Variants in DLG1 observed in about 807,000 individuals in gnomAD.
The protein encoded by DLG1 is disks large homolog 1.
Under a neutral mutation model 123.4 loss-of-function variants are expected in DLG1, and 42 were observed. The observed-to-expected ratio is 0.34, with a 90% CI of 0.27 to 0.44. The LOEUF (loss-of-function observed/expected upper bound fraction) is 0.44, where lower values mean the gene tolerates loss of function less well. Ranked by LOEUF, DLG1 falls within the 20% of genes least tolerant of loss-of-function variation. DLG1 has a pLI of 1.00. For missense variants in DLG1, 942 were observed against 1,082.6 expected, an observed-to-expected ratio of 0.87 and a Z score of 1.82; for synonymous variants, 317 against 356.2, an observed-to-expected ratio of 0.89 and a Z score of 1.24.
At chr3:197,210,415 A>G (rs1332887368) in intron 4 of DLG1, among the ~76,000 whole-genome samples, 1 of 144,978 alleles carries the variant, frequency 6.9e-6, no homozygotes, top group African/African-American at 2.4e-5. Flanking sequence ...AAGAGAGAAT[A>G]TAATTACCAA....
intron 4 of DLG1, among the ~76,000 whole-genome samples, chr3:197,249,423 T>C (rs1185635415): frequency 6.6e-6 from 1 of 151,862 alleles, no homozygotes; most frequent in Non-Finnish European, 1.5e-5. Context: ...TTCCACTAAA[T>C]ATTAAAATTT....
At chr3:197,250,786 G>A (rs1268885292) in intron 4 of DLG1, among the ~76,000 whole-genome samples, 2 of 151,754 alleles carry the variant, frequency 1.3e-5, no homozygotes. Context: ...TTGAAGTCAG[G>A]AGATCAAGAC....
chr3:197,114,828 A>C (rs1222735127), intron 13 of DLG1, among the ~76,000 whole-genome samples: 1 of 151,948 alleles, frequency 6.6e-6, no homozygotes, highest in East Asian at 1.9e-4. Context: ...AAATACAAAA[A>C]AATTAGCCAG....
At chr3:197,231,780 T>C (rs902301788) in intron 4 of DLG1, among the ~76,000 whole-genome samples, 11 of 151,730 alleles carry the variant, frequency 7.2e-5, no homozygotes, top group African/African-American at 2.4e-4. Context: ...AAATAAAATG[T>C]TGAATGAAAA....
At chr3:197,280,615 A>G (rs1473619413) in intron 4 of DLG1, among the ~76,000 whole-genome samples, 1 of 152,222 alleles carries the variant, frequency 6.6e-6, no homozygotes, top group Non-Finnish European at 1.5e-5. Context: ...ATAATGTCAA[A>G]TATTCACTTT....
chr3:197,284,899 C>T (rs1406216962), intron 3 of DLG1, among the ~76,000 whole-genome samples: 4 of 151,892 alleles, frequency 2.6e-5, no homozygotes, highest in African/African-American at 7.3e-5. Context: ...TCCACAAGTC[C>T]GATTCCTGAA....
intron 19 of DLG1, among the ~76,000 whole-genome samples, chr3:197,067,150 T>C (rs1336994414): frequency 2.0e-5 from 3 of 152,062 alleles, no homozygotes; most frequent in Non-Finnish European, 2.9e-5. Context: ...ATTAAAAACA[T>C]GCTACTTTTT....
intron 5 of DLG1, among the ~76,000 whole-genome samples, chr3:197,188,035 TACCACCACCACC>T (rs201215982): frequency 6.6e-6 from 1 of 151,906 alleles, no homozygotes; most frequent in African/African-American, 2.4e-5. Flanking sequence ...CACCATCCAC[TACCACCACCACC>T]ACCACCACAA....
intron 11 of DLG1, among the ~76,000 whole-genome samples, chr3:197,125,199 T>C (rs1230871440): frequency 6.6e-6 from 1 of 152,004 alleles, no homozygotes; most frequent in Non-Finnish European, 1.5e-5. Context: ...AGATGGCAAG[T>C]GAAGGTTTGA....
intron 14 of DLG1, among the ~76,000 whole-genome samples, chr3:197,093,129 TAC>T (rs1046526851): frequency 1.3e-5 from 2 of 152,116 alleles, no homozygotes; most frequent in Non-Finnish European, 2.9e-5. Flanking sequence ...TGTGTATATA[TAC>T]ACACAAACAT....
chr3:197,097,220 C>T (rs750233402), intron 14 of DLG1, among the ~76,000 whole-genome samples: 2 of 152,178 alleles, frequency 1.3e-5, no homozygotes, highest in African/African-American at 2.4e-5. Flanking sequence ...CCAGACTGCT[C>T]GTGGCCCCTT....
intron 4 of DLG1, among the ~76,000 whole-genome samples, chr3:197,263,534 C>A (rs1159059773): frequency 1.3e-5 from 2 of 152,176 alleles, no homozygotes; most frequent in African/African-American, 4.8e-5. Flanking sequence ...CACCTGTAAT[C>A]CCAGCACTTT....
At chr3:197,117,042 G>A (rs566515945) in intron 12 of DLG1, among the ~76,000 whole-genome samples, 7 of 151,732 alleles carry the variant, frequency 4.6e-5, no homozygotes, top group Non-Finnish European at 8.8e-5. Flanking sequence ...TATTTCCAGG[G>A]GAAAATACAC....
Position 197,253,958 on chromosome 3 carries a change from G to A in DLG1, c.318+28721C>T, listed in dbSNP as rs905833090. Among the ~76,000 whole-genome samples the A allele has an allele frequency of 6.6e-5, 10 of 151,770 alleles. No individual in the cohort carries two copies. In the South Asian group the frequency reaches 8.3e-4, roughly 13 times the overall value. ...AAAGGAAATGGAAATTTCTGCACAC[G>A]AAGGAAAGAATCTAAACCCCAAAGA... is the stretch of plus-strand genomic sequence containing the variant. On this transcript the variant is annotated intron_variant, in intron 4 of 24. Transcript: ENST00000667157.
chr3:197,243,291 G>A lies in DLG1; in HGVS notation c.318+39388C>T, dbSNP rs372664049. ...GGGTCAGCTACAAGGTTGGTGGATG[G>A]AGGCATGCCTGGGCCTGTTAAAGGC... On this transcript the variant is annotated intron_variant, in intron 4 of 24. Transcript: ENST00000667157. Among the ~76,000 whole-genome samples the A allele has an allele frequency of 1.3e-4, 20 of 152,268 alleles. No individual in the cohort carries two copies. In the East Asian group the frequency reaches 2.5e-3, roughly 19 times the overall value.
chr3:197,274,915 G>C (rs1765662292), intron 4 of DLG1, among the ~76,000 whole-genome samples: 1 of 152,194 alleles, frequency 6.6e-6, no homozygotes, highest in African/African-American at 2.4e-5. Flanking sequence ...GCTGGGCACG[G>C]TGGCTCACGC....
intron 14 of DLG1, 122 bp from the exon 15 acceptor site, chr3:197,091,148 T>C (rs1271970636): frequency 3.5e-6 from 2 of 566,874 alleles, no homozygotes; most frequent in East Asian, 3.0e-5. Flanking sequence ...CTTAAAATAG[T>C]AATATGCGAA....
chr3:197,123,556 A>G (rs1413863524), intron 11 of DLG1, among the ~76,000 whole-genome samples: 1 of 152,272 alleles, frequency 6.6e-6, no homozygotes, highest in Non-Finnish European at 1.5e-5. Context: ...CATTAAAATC[A>G]TGAGATAACT....
At chr3:197,124,825 T>TA (rs1778215772) in intron 11 of DLG1, among the ~76,000 whole-genome samples, 1 of 152,144 alleles carries the variant, frequency 6.6e-6, no homozygotes, top group South Asian at 2.1e-4. Context: ...GGAGCAGTGT[T>TA]AGAGAGGTAT....
Sources: gnomAD v4.1 joint callset for allele counts (sites outside exome capture counted in the v4.1 genomes callset) on GRCh38, gnomAD v4.1.1 for gene constraint, MANE v1.5 for transcripts, NCBI Gene and HGNC (gene_info 2026-07-23, HGNC 2026-07-21) for gene names.